The following CATSPERD variants were observed in gnomAD, a reference collection of about 807,000 sequenced individuals.
CATSPERD encodes the protein catsper channel auxiliary subunit delta.
CATSPERD carries 86 observed loss-of-function variants against 98.1 expected under a neutral mutation model. The observed-to-expected ratio is 0.88, with a 90% confidence interval of 0.74 to 1.05. The LOEUF is 1.05. CATSPERD is among the 50% of genes least tolerant of loss of function. The probability of loss-of-function intolerance (pLI) is 0.00; values close to 1 mark genes in which losing one functional copy is unlikely to be tolerated. For missense variants in CATSPERD, 995 were observed against 1,005.7 expected (o/e 0.99, Z 0.14); for synonymous variants, 394 against 390.2 (o/e 1.01, Z -0.12).
At chr19:5,742,765 G>GTCTATCTCTA (rs2056014191) in intron 7 of CATSPERD, among the ~76,000 whole-genome samples, 1 of 152,098 alleles carries the variant, frequency 6.6e-6, no homozygotes, top group African/African-American at 2.4e-5. Context: ...CTCTAGCCTG[G>GTCTATCTCTA]GGGACGGAGA....
chr19:5,741,273 A>G lies in CATSPERD; in HGVS notation c.573+1834A>G, dbSNP rs141166427. ...AATTTATGTCAACCTGGAACTTCAG[A>G]CTCTAACTGTCTTTGGCATTTTTGC... On this transcript the variant is annotated intron_variant, in intron 7 of 21. Transcript: ENST00000381624. 8.3e-4 allele frequency among the ~76,000 whole-genome samples: 127 copies of G among 152,096 alleles called. 2 individuals are homozygous for G. The East Asian group carries it at 0.02, about 25-fold the overall frequency.
At chr19:5,773,970 T>TA (rs1000210366) in intron 20 of CATSPERD, among the ~76,000 whole-genome samples, 2 of 106,806 alleles carry the variant, frequency 1.9e-5, no homozygotes, top group African/African-American at 1.1e-4. Context: ...TGCATTTGCT[T>TA]TTTTTTTTTT....
rs527893990 is a variant in CATSPERD, at chr19:5,778,583, G to A, written c.2304G>A (p.Thr768=). The A allele has an allele frequency of 2.8e-5, 45 of 1,613,802 alleles. No individual in the cohort carries two copies. Among genetic ancestry groups the A allele is most frequent in the Non-Finnish European group, 3.4e-5 (40 of 1,180,018 alleles). The change falls in exon 22 of 22, where the codon ACG becomes ACA. Residue 768 remains threonine, a synonymous_variant. Transcript: ENST00000381624. ...CATQLCRRCK[T]VCQFRASATA... ...CACAGCTGTGTAGGAGATGCAAGAC[G>A]GTCTGCCAGTTCAGGGCCTCAGCCA...
intron 20 of CATSPERD, among the ~76,000 whole-genome samples, chr19:5,774,744 C>A (rs1354174445): frequency 6.6e-6 from 1 of 151,824 alleles, no homozygotes; most frequent in African/African-American, 2.4e-5. Flanking sequence ...TGGCCAGGTA[C>A]TGTGGCTCAC....
At chr19:5,727,853 A>G (rs2145683403) in intron 3 of CATSPERD, among the ~76,000 whole-genome samples, 2 of 152,100 alleles carry the variant, frequency 1.3e-5, no homozygotes, top group Middle Eastern at 3.4e-3. Flanking sequence ...GTGGGGCTGC[A>G]TGACTCCTGT....
In CATSPERD at chr19:5,720,868, C is replaced by A. The variant is rs1599492783; in HGVS notation, c.71+60C>A. On this transcript the variant is annotated intron_variant, in intron 1 of 21. Transcript: ENST00000381624. ...GCCGGGGGTCGGGAGGGTGCTGGTTCATCTTGGAGCCGAGGCCTGCTCCCC... is the reference window on the plus strand; with the variant it reads ...GCCGGGGGTCGGGAGGGTGCTGGTTAATCTTGGAGCCGAGGCCTGCTCCCC... The A allele has an allele frequency of 7.7e-6, 11 of 1,433,570 alleles. No individual in the cohort carries two copies. The African/African-American group carries it at 1.4e-4, about 18-fold the overall frequency. The allele number at this position is 1,433,570 out of a possible 1,614,324, so 88.8% of individuals were successfully genotyped here.
At chr19:5,737,982 C>T (rs77782350) in intron 6 of CATSPERD, among the ~76,000 whole-genome samples, 4,137 of 152,026 alleles carry the variant, frequency 0.027, 200 homozygotes, top group African/African-American at 0.094. Context: ...GTTTTGGGGA[C>T]GTTTTCAGAT....
intron 15 of CATSPERD, among the ~76,000 whole-genome samples, chr19:5,762,568 G>T (rs2056460587): frequency 1.3e-5 from 2 of 152,180 alleles, no homozygotes; most frequent in African/African-American, 4.8e-5. Flanking sequence ...TGAGTGGATA[G>T]ATGGATAGAG....
chr19:5,730,972 A>G (rs1203411680), intron 4 of CATSPERD, among the ~76,000 whole-genome samples: 1 of 148,412 alleles, frequency 6.7e-6, no homozygotes, highest in Non-Finnish European at 1.5e-5. Flanking sequence ...CTGCACTCCA[A>G]CCCCAGCTAT....
At chr19:5,760,541 G>A (rs1031034733) in intron 15 of CATSPERD, among the ~76,000 whole-genome samples, 1 of 150,828 alleles carries the variant, frequency 6.6e-6, no homozygotes, top group African/African-American at 2.4e-5. Context: ...CCCTAGAGTG[G>A]TCTGAGTCAC....
chr19:5,730,741 G>A (rs1004850410), intron 4 of CATSPERD, among the ~76,000 whole-genome samples: 6 of 149,904 alleles, frequency 4.0e-5, no homozygotes, highest in Non-Finnish European at 5.9e-5. Context: ...GGCTGGGCAC[G>A]GTGGCTCACG....
At chr19:5,758,136 A>C (rs958689586) in intron 14 of CATSPERD, among the ~76,000 whole-genome samples, 9 of 152,082 alleles carry the variant, frequency 5.9e-5, no homozygotes, top group Non-Finnish European at 1.2e-4. Context: ...ATGGCATGAC[A>C]GGGAGGAGCC....
Position 5,731,300 on chromosome 19 carries a change from C to T in CATSPERD, c.276+1356C>T, listed in dbSNP as rs534346764. On this transcript the variant is annotated intron_variant, in intron 4 of 21. Transcript: ENST00000381624. ...TTCAGGACTACCCAGGGCAACACAACGAAACTCCAACTCTATATGAAATTA... is the reference window on the plus strand; with the variant it reads ...TTCAGGACTACCCAGGGCAACACAATGAAACTCCAACTCTATATGAAATTA... Among the ~76,000 whole-genome samples, 29 of 151,308 alleles carry T rather than the reference C, an allele frequency of 1.9e-4. No individual in the cohort carries two copies. The South Asian group carries it at 5.6e-3, about 29-fold the overall frequency.
intron 4 of CATSPERD, among the ~76,000 whole-genome samples, chr19:5,733,407 CTCCTTCCTTCCT>C (rs34670750): frequency 6.4e-5 from 9 of 140,974 alleles, no homozygotes; most frequent in South Asian, 2.3e-4. Context: ...TTCCTTTCTT[CTCCTTCCTTCCT>C]TCCTTCCTTC....
rs745670557 is a variant in CATSPERD at position 5,763,264 on chromosome 19, G to C, written c.1477G>C (p.Glu493Gln). Residue 493 changes from glutamate (E) to glutamine (Q), a missense_variant, in exon 16 of 22, where the codon GAA becomes CAA. Physicochemically the swap from Glu to Gln is conservative, Grantham distance 29. Transcript: ENST00000381624. ...STLTVDIANKEISCVDIKPLS... is the reference protein window; with the variant it reads ...STLTVDIANKQISCVDIKPLS... ...CTTAACTGTGGACATAGCAAACAAG[G>C]AAATTTCATGTGTGGATATCAAGCC... is the stretch of plus-strand genomic sequence containing the variant. 1 of 1,614,088 alleles carries C rather than the reference G, an allele frequency of 6.2e-7. No individual in the cohort carries two copies. Among genetic ancestry groups the C allele is most frequent in the Non-Finnish European group, 8.5e-7 (1 of 1,180,006 alleles).
At chr19:5,743,840 C>T (rs2056044662) in intron 7 of CATSPERD, among the ~76,000 whole-genome samples, 1 of 152,016 alleles carries the variant, frequency 6.6e-6, no homozygotes, top group Non-Finnish European at 1.5e-5. Flanking sequence ...CTTTGCTGTC[C>T]AGCTAACAAT....
chr19:5,761,619 G>GCTGGATGGTGTATT (rs1555725201), intron 15 of CATSPERD, among the ~76,000 whole-genome samples: 9 of 152,004 alleles, frequency 5.9e-5, no homozygotes, highest in South Asian at 4.2e-4. Flanking sequence ...GGCGGAAGGC[G>GCTGGATGGTGTATT]AAGGGGAAAC....
chr19:5,754,231 T>C lies in CATSPERD; in HGVS notation c.1264T>C (p.Ser422Pro). ...TASLIPQPGT[S>P]LIPLVMVSNP... Reference sequence around the variant, plus strand: ...TTCGTTGATACCCCAGCCAGGCACATCCCTGATTCCTCTGGTAAGTACATC... The same window carrying C: ...TTCGTTGATACCCCAGCCAGGCACACCCCTGATTCCTCTGGTAAGTACATC... The change falls in exon 13 of 22, where the codon TCC becomes CCC. Residue 422 changes from serine to proline, a missense_variant. Ser to Pro is a moderately conservative substitution (Grantham distance 74). Transcript: ENST00000381624. The C allele has an allele frequency of 1.2e-6, 2 of 1,612,468 alleles. No homozygotes were observed. Among genetic ancestry groups the C allele is most frequent in the African/African-American group, 1.3e-5 (1 of 74,992 alleles).
rs188972377 is a variant in CATSPERD at position 5,738,474 on chromosome 19, G to C, written c.460-852G>C. ...TTGAGCCCAGAAGGCGCAGGTTATA[G>C]TGAGCTGAGATCATGCCACTGCACT... On this transcript the variant is annotated intron_variant, in intron 6 of 21. Transcript: ENST00000381624. Among the ~76,000 whole-genome samples the C allele has an allele frequency of 2.0e-3, 297 of 152,202 alleles. 3 individuals carry two copies. The highest frequency in any genetic ancestry group is 7.0e-3 in the African/African-American group (289 of 41,552).
Sources: allele counts gnomAD v4.1 joint callset (sites outside exome capture counted in the v4.1 genomes callset), GRCh38; gene constraint gnomAD v4.1.1; transcripts MANE v1.5; gene names NCBI Gene and HGNC (gene_info 2026-07-23, HGNC 2026-07-21).